Variants in DMXL1 observed in about 807,000 individuals in gnomAD.
The protein encoded by DMXL1 is dmX-like protein 1.
A neutral mutation model predicts 319.2 loss-of-function variants in DMXL1; 99 were observed. The ratio of observed to expected loss-of-function variants is 0.31; its 90% CI spans 0.26 to 0.37. DMXL1 has a LOEUF of 0.37. DMXL1 is among the 10% of genes least tolerant of loss of function. DMXL1 has a pLI of 1.00. For synonymous variants in DMXL1, 1,385 were observed against 1,235.2 expected (o/e 1.12, Z -2.54); for missense variants, 3,745 against 3,595.6 (o/e 1.04, Z -1.06).
Position 119,167,658 on chromosome 5 carries a change from A to T in DMXL1, c.5192A>T (p.Tyr1731Phe). ...IQLALVIARLYESEFDTSAAY... is the reference protein window; with the variant it reads ...IQLALVIARLFESEFDTSAAY... ...TTGGCTCTTGTAATAGCAAGACTCT[A>T]TGAGTCTGAATTTGATACATCTGCA... Residue 1731 changes from tyrosine (Y) to phenylalanine (F), a missense_variant, in exon 23 of 44, where the codon TAT becomes TTT. By Grantham distance (22) the Tyr-to-Phe change is conservative. Around this residue, in one of 4 missense-constraint regions of DMXL1, gnomAD observed 1,382 missense variants for 1,269.5 expected, o/e 1.09. Transcript: ENST00000539542. The T allele has an allele frequency of 1.9e-6, 3 of 1,609,116 alleles. No homozygotes were observed. The highest frequency in any genetic ancestry group is 2.6e-6 in the Non-Finnish European group (3 of 1,175,920).
chr5:119,124,563 CTTTTTTTTT>C (rs34589863), intron 9 of DMXL1, among the ~76,000 whole-genome samples: 11 of 102,948 alleles, frequency 1.1e-4, no homozygotes, highest in Non-Finnish European at 1.9e-4. Context: ...ATGGTGATGA[CTTTTTTTTT>C]TTTTTTTTTT....
chr5:119,247,084 G>C lies in DMXL1; in HGVS notation c.9012G>C (p.Val3004=), dbSNP rs2174433. 9.7e-3 allele frequency: 15,582 copies of C among 1,614,088 alleles called. 572 individuals carry two copies. The highest frequency in any genetic ancestry group is 0.091 in the African/African-American group (6,842 of 75,022). ...QSIFRNIGTG[V]MQIETGPANH... ...TTTTTAGAAATATTGGAACTGGAGT[G>C]ATGCAAATTGAGACAGGGCCTGCAA... The change falls in exon 44 of 44, where the codon GTG becomes GTC. Residue 3004 remains valine (V), a synonymous_variant. Transcript: ENST00000539542.
At chr5:119,173,313 C>T (rs555148915) in intron 25 of DMXL1, among the ~76,000 whole-genome samples, 60 of 150,438 alleles carry the variant, frequency 4.0e-4, no homozygotes, top group African/African-American at 1.4e-3. Flanking sequence ...ACACTCCAAC[C>T]TGGGCAACAA....
chr5:119,206,991 A>G (rs1427901672), intron 34 of DMXL1, 95 bp downstream of exon 34: 13 of 710,090 alleles, frequency 1.8e-5, no homozygotes, highest in Admixed American at 5.5e-5. Context: ...TTTGTTTCCA[A>G]TGGATTTAAA....
intron 30 of DMXL1, among the ~76,000 whole-genome samples, chr5:119,194,568 A>G (rs1779277555): frequency 6.6e-6 from 1 of 152,202 alleles, no homozygotes; most frequent in Non-Finnish European, 1.5e-5. Context: ...GTGATAAAAA[A>G]TGTGAATTTT....
Position 119,105,263 on chromosome 5 carries a change from G to C in DMXL1, c.364+5G>C. The C allele has an allele frequency of 1.9e-6, 3 of 1,609,038 alleles. No individual in the cohort carries two copies. Among genetic ancestry groups the C allele is most frequent in the Non-Finnish European group, 2.6e-6 (3 of 1,176,012 alleles). ...ATATAACCTGGGATCCCACAGGTAA[G>C]AAAATAAGCAGGATTAACTAAAATG... On this transcript the variant is annotated splice_donor_5th_base_variant and intron_variant, in intron 4 of 43. Transcript: ENST00000539542.
At chr5:119,218,459 T>C (rs960425726) in intron 35 of DMXL1, among the ~76,000 whole-genome samples, 6 of 152,016 alleles carry the variant, frequency 3.9e-5, no homozygotes, top group Non-Finnish European at 7.4e-5. Context: ...TACTTTATTT[T>C]ATTTTATTTT....
intron 19 of DMXL1, among the ~76,000 whole-genome samples, chr5:119,157,031 C>T (rs1158871321): frequency 6.6e-6 from 1 of 150,668 alleles, no homozygotes; most frequent in Admixed American, 6.6e-5. Context: ...TTTTTTTCCC[C>T]CAAGAGTTGA....
In DMXL1 at chr5:119,233,401, A is replaced by G; in HGVS notation, c.8400A>G (p.Ile2800Met). ...RMFEWGHSQQ[I>M]TCFRSGGNSR... is the part of the protein sequence containing the mutation. ...TTGAATGGGGCCATTCTCAACAAATAACCTGTTTTCGATCTGGTGGCAATT... is the reference window on the plus strand; with the variant it reads ...TTGAATGGGGCCATTCTCAACAAATGACCTGTTTTCGATCTGGTGGCAATT... Residue 2800 changes from isoleucine (I) to methionine (M), a missense_variant, in exon 39 of 44, where the codon ATA becomes ATG. Physicochemically the swap from Ile to Met is conservative, Grantham distance 10. Coordinates refer to ENST00000539542, the MANE Select transcript of DMXL1 (RefSeq NM_001290321.3). 6.2e-7 allele frequency: 1 copy of G among 1,613,038 alleles called. No homozygotes were observed. The highest frequency in any genetic ancestry group is 8.5e-7 in the Non-Finnish European group (1 of 1,179,246).
At chr5:119,126,073 C>G (rs1763491485) in intron 9 of DMXL1, among the ~76,000 whole-genome samples, 1 of 152,052 alleles carries the variant, frequency 6.6e-6, no homozygotes, top group Non-Finnish European at 1.5e-5. Flanking sequence ...GTGGTGAAGT[C>G]AGGAATTTGA....
chr5:119,240,545 T>C, intron 42 of DMXL1, 74 bp downstream of exon 42: 1 of 1,067,428 alleles, frequency 9.4e-7, no homozygotes, highest in Non-Finnish European at 1.4e-6. Context: ...ATAAGTGGAT[T>C]TGTTACTGAT....
chr5:119,078,379 T>C (rs1751463454), intron 1 of DMXL1, among the ~76,000 whole-genome samples: 1 of 152,238 alleles, frequency 6.6e-6, no homozygotes, highest in Admixed American at 6.5e-5. Context: ...AGACCATTTA[T>C]ATGGACTTGG....
At chr5:119,077,885 A>C (rs1433225785) in intron 1 of DMXL1, among the ~76,000 whole-genome samples, 2 of 104,554 alleles carry the variant, frequency 1.9e-5, no homozygotes, top group Admixed American at 1.1e-4. Context: ...GTAGATATAT[A>C]TACACACACA....
chr5:119,121,810 C>T (rs1444587031), intron 9 of DMXL1, among the ~76,000 whole-genome samples: 255 of 152,178 alleles, frequency 1.7e-3, no homozygotes, highest in Admixed American at 1.4e-3. Flanking sequence ...ACCTCCCAGA[C>T]GGGGTGGTGG....
intron 34 of DMXL1, among the ~76,000 whole-genome samples, chr5:119,212,707 GT>G (rs1783014769): frequency 6.6e-6 from 1 of 152,026 alleles, no homozygotes; most frequent in African/African-American, 2.4e-5. Flanking sequence ...TTTACAGAGT[GT>G]GACTTGAAAC....
At chr5:119,225,544 C>T (rs898874768) in intron 38 of DMXL1, among the ~76,000 whole-genome samples, 1 of 151,930 alleles carries the variant, frequency 6.6e-6, no homozygotes, top group African/African-American at 2.4e-5. Flanking sequence ...ATTCATGTCC[C>T]CCAGTTTAAT....
intron 28 of DMXL1, among the ~76,000 whole-genome samples, chr5:119,189,480 CAGCATTTAG>C (rs1778328566): frequency 6.6e-6 from 1 of 152,136 alleles, no homozygotes; most frequent in Non-Finnish European, 1.5e-5. Flanking sequence ...ATAGGTAAGT[CAGCATTTAG>C]AGAGTGAGGG....
At chr5:119,183,054 T>TC (rs1043528671) in intron 28 of DMXL1, among the ~76,000 whole-genome samples, 1 of 152,184 alleles carries the variant, frequency 6.6e-6, no homozygotes, top group Admixed American at 6.5e-5. Flanking sequence ...TTTTTATGTC[T>TC]CCAAGTTGAG....
intron 3 of DMXL1, among the ~76,000 whole-genome samples, chr5:119,103,743 A>G (rs1757758263): frequency 1.3e-5 from 2 of 152,172 alleles, no homozygotes; most frequent in African/African-American, 4.8e-5. Context: ...CGATTACCCC[A>G]CCCAGCCCAG....
Sources: gnomAD v4.1 joint callset for allele counts (sites outside exome capture counted in the v4.1 genomes callset) on GRCh38, gnomAD v4.1.1 for gene constraint, gnomAD v4.1.1 regional missense constraint, MANE v1.5 for transcripts, NCBI Gene and HGNC (gene_info 2026-07-23, HGNC 2026-07-21) for gene names.